The following FHIT variants were observed in gnomAD, a reference collection of about 807,000 sequenced individuals.
FHIT encodes the protein bis(5'-adenosyl)-triphosphatase.
In FHIT, 19 loss-of-function variants were observed where a neutral mutation model predicts 17.9. The observed-to-expected ratio is 1.06, with a 90% CI of 0.74 to 1.56. The LOEUF is 1.56. Among genes scored for constraint, FHIT ranks in the 40% most tolerant of loss-of-function variants. The probability of loss-of-function intolerance (pLI) is 0.00; values close to 1 mark genes in which losing one functional copy is unlikely to be tolerated. For missense variants in FHIT, 248 were observed against 189.2 expected (o/e 1.31, Z -1.82); for synonymous variants, 81 against 69.7 (o/e 1.16, Z -0.81).
rs1305415785 is a variant in FHIT at position 60,523,333 on chromosome 3, T to A, written c.103+13527A>T. Among the ~76,000 whole-genome samples, 4 of 152,344 alleles carry A rather than the reference T, an allele frequency of 2.6e-5. No individual in the cohort carries two copies. In the East Asian group the frequency reaches 5.8e-4, roughly 22 times the overall value. On this transcript the variant is annotated intron_variant, in intron 5 of 9. Coordinates refer to ENST00000492590, the MANE Select transcript of FHIT (RefSeq NM_002012.4). Reference sequence around the variant, plus strand: ...TTGAATTTTGTAGTTTGCTTTTTTTTAAAGCACTTAAATCTTACTCTACTT... The same window carrying A: ...TTGAATTTTGTAGTTTGCTTTTTTTAAAAGCACTTAAATCTTACTCTACTT...
chr3:60,572,555 C>G (rs2037421387), intron 4 of FHIT, among the ~76,000 whole-genome samples: 1 of 152,248 alleles, frequency 6.6e-6, no homozygotes, highest in East Asian at 1.9e-4. Context: ...CACAGACACA[C>G]ACACACTCTA....
chr3:60,717,493 C>T (rs575223797), intron 4 of FHIT, among the ~76,000 whole-genome samples: 2 of 151,926 alleles, frequency 1.3e-5, no homozygotes, highest in African/African-American at 4.8e-5. Flanking sequence ...TTCCTGAAAC[C>T]CATCATGGGC....
intron 5 of FHIT, among the ~76,000 whole-genome samples, chr3:60,197,881 G>C (rs1005225396): frequency 2.0e-5 from 3 of 152,112 alleles, no homozygotes; most frequent in Non-Finnish European, 2.9e-5. Context: ...CAACACAGCA[G>C]CTTTGTAACT....
chr3:61,218,105 G>A (rs1040761115), intron 1 of FHIT, among the ~76,000 whole-genome samples: 2 of 152,074 alleles, frequency 1.3e-5, no homozygotes, highest in Non-Finnish European at 2.9e-5. Flanking sequence ...GTCTGAGAGT[G>A]GTAAGTTATC....
At chr3:59,839,265 C>T (rs564868876) in intron 8 of FHIT, among the ~76,000 whole-genome samples, 50 of 150,692 alleles carry the variant, frequency 3.3e-4, no homozygotes, top group Non-Finnish European at 5.3e-4. Flanking sequence ...TTGCAGTGAG[C>T]TGAGATCATG....
intron 4 of FHIT, among the ~76,000 whole-genome samples, chr3:60,712,886 A>G (rs1553705533): frequency 2.8e-5 from 4 of 144,782 alleles, no homozygotes; most frequent in Non-Finnish European, 4.6e-5. Flanking sequence ...AAAGTTAACA[A>G]GGATACCCAG....
rs189782313 is a variant in FHIT, at chr3:61,044,269, A to T, written c.-163-2170T>A. ...ACATGAATGGCTAACTAGAATAACC[A>T]GTGTAGAGAAGTCCTTAAATGACCT... On this transcript the variant is annotated intron_variant, in intron 2 of 9. Transcript: ENST00000492590. 2.7e-4 allele frequency among the ~76,000 whole-genome samples: 41 copies of T among 152,332 alleles called. 1 individual carries two copies. Among genetic ancestry groups the T allele is most frequent in the Admixed American group, 8.5e-4 (13 of 15,306 alleles).
In FHIT at chr3:60,465,930, T is replaced by C. The variant is rs560463953; in HGVS notation, c.103+70930A>G. 3.9e-3 allele frequency among the ~76,000 whole-genome samples: 588 copies of C among 152,222 alleles called. 6 individuals are homozygous for C. The highest frequency in any genetic ancestry group is 0.013 in the African/African-American group (542 of 41,560). On this transcript the variant is annotated intron_variant, in intron 5 of 9. Transcript: ENST00000492590. Reference sequence around the variant, plus strand: ...TTTTCTATTTTCATGAAGAATGTCATTGGTATTTTTATATGGATTGCATTG... The same window carrying C: ...TTTTCTATTTTCATGAAGAATGTCACTGGTATTTTTATATGGATTGCATTG...
intron 7 of FHIT, among the ~76,000 whole-genome samples, chr3:59,990,756 G>A (rs1709190647): frequency 6.6e-6 from 1 of 152,022 alleles, no homozygotes; most frequent in Admixed American, 6.6e-5. Context: ...GGTTTTTATT[G>A]ACCAAAGTGG....
At chr3:60,632,843 T>A (rs1190763221) in intron 4 of FHIT, among the ~76,000 whole-genome samples, 1 of 152,166 alleles carries the variant, frequency 6.6e-6, no homozygotes, top group East Asian at 1.9e-4. Flanking sequence ...TCTTAGACAA[T>A]ACAACAGAGG....
intron 5 of FHIT, among the ~76,000 whole-genome samples, chr3:60,525,360 T>A (rs956190350): frequency 5.9e-5 from 9 of 152,214 alleles, no homozygotes; most frequent in African/African-American, 1.7e-4. Context: ...TAAATATTTA[T>A]CAACCATCTA....
intron 2 of FHIT, among the ~76,000 whole-genome samples, chr3:61,188,606 A>G (rs2038605128): frequency 1.3e-5 from 2 of 152,210 alleles, no homozygotes; most frequent in Non-Finnish European, 2.9e-5. Flanking sequence ...TCCTGATACC[A>G]AAGCTGGGCA....
intron 5 of FHIT, among the ~76,000 whole-genome samples, chr3:60,145,538 A>G (rs1470890955): frequency 4.6e-5 from 7 of 152,214 alleles, no homozygotes; most frequent in Admixed American, 3.9e-4. Flanking sequence ...CTAAATCTCC[A>G]CAGAATCATG....
rs370423585 is a variant in FHIT, at chr3:60,632,648, C to T, written c.-17-95669G>A. 8.5e-5 allele frequency among the ~76,000 whole-genome samples: 13 copies of T among 152,108 alleles called. No homozygotes were observed. In the East Asian group the frequency reaches 9.6e-4, roughly 11 times the overall value. Reference sequence around the variant, plus strand: ...AGATAAACTTTCTAGAACAAGCTAACGCCATAATTTGACCCTAATTCCAAA... The same window carrying T: ...AGATAAACTTTCTAGAACAAGCTAATGCCATAATTTGACCCTAATTCCAAA... On this transcript the variant is annotated intron_variant, in intron 4 of 9. Coordinates refer to ENST00000492590, the MANE Select transcript of FHIT (RefSeq NM_002012.4).
At chr3:60,948,804 T>C (rs1708747335) in intron 3 of FHIT, among the ~76,000 whole-genome samples, 1 of 152,172 alleles carries the variant, frequency 6.6e-6, no homozygotes, top group Admixed American at 6.5e-5. Flanking sequence ...GAGAGTCAAG[T>C]GTAGTGATTA....
chr3:60,026,027 A>G (rs529737549), intron 5 of FHIT, among the ~76,000 whole-genome samples: 2 of 150,960 alleles, frequency 1.3e-5, no homozygotes, highest in African/African-American at 2.5e-5. Context: ...AAAGGGGGGG[A>G]AAGAAAAGTT....
At chr3:60,923,277 T>A (rs1292518106) in intron 3 of FHIT, among the ~76,000 whole-genome samples, 1 of 152,206 alleles carries the variant, frequency 6.6e-6, no homozygotes, top group Non-Finnish European at 1.5e-5. Context: ...TGGAGTCAAA[T>A]GTTGTGTGTG....
chr3:59,930,886 C>A (rs931953379), intron 7 of FHIT, among the ~76,000 whole-genome samples: 3 of 152,126 alleles, frequency 2.0e-5, no homozygotes, highest in African/African-American at 7.2e-5. Context: ...TCTTGCCCAA[C>A]CTACCTTTCC....
chr3:60,880,440 T>C (rs1382258449), intron 3 of FHIT, among the ~76,000 whole-genome samples: 1 of 152,122 alleles, frequency 6.6e-6, no homozygotes, highest in African/African-American at 2.4e-5. Context: ...AGTATAAAAC[T>C]CACTGGTAGA....
Sources: allele counts gnomAD v4.1 joint callset (sites outside exome capture counted in the v4.1 genomes callset), GRCh38; gene constraint gnomAD v4.1.1; transcripts MANE v1.5; gene names NCBI Gene and HGNC (gene_info 2026-07-23, HGNC 2026-07-21).